The following KDM2A variants were observed in gnomAD, a reference collection of about 807,000 sequenced individuals.
KDM2A encodes lysine demethylase 2A.
Under a neutral mutation model 137.3 loss-of-function variants are expected in KDM2A, and 3 were observed. The observed-to-expected ratio is 0.02, with a 90% CI of 0.01 to 0.06. The LOEUF is 0.06. Ranked by LOEUF, KDM2A falls within the 10% of genes least tolerant of loss-of-function variation. The probability of loss-of-function intolerance (pLI) is 1.00; values close to 1 mark genes in which losing one functional copy is unlikely to be tolerated. For synonymous variants in KDM2A, 512 were observed against 541.5 expected (o/e 0.95, Z 0.76); for missense variants, 738 against 1,510.6 (o/e 0.49, Z 8.48).
At chr11:67,212,136 T>TA (rs1218854850) in intron 6 of KDM2A, among the ~76,000 whole-genome samples, 1 of 152,020 alleles carries the variant, frequency 6.6e-6, no homozygotes, top group Admixed American at 6.6e-5. Context: ...CTTTTAAAAT[T>TA]AAAAAAATTG....
intron 10 of KDM2A, among the ~76,000 whole-genome samples, chr11:67,226,107 A>G (rs971994151): frequency 2.6e-5 from 4 of 151,832 alleles, no homozygotes; most frequent in African/African-American, 4.8e-5. Flanking sequence ...TAAAATAACA[A>G]TTAGCCAGGT....
intron 5 of KDM2A, chr11:67,196,696 G>A (rs1483385354): frequency 9.4e-6 from 3 of 318,124 alleles, no homozygotes; most frequent in Non-Finnish European, 1.2e-5. Flanking sequence ...AGACAAAATA[G>A]AATAGTGGTT....
chr11:67,244,427 T>G (rs1490498519), intron 13 of KDM2A, among the ~76,000 whole-genome samples: 1 of 152,184 alleles, frequency 6.6e-6, no homozygotes, highest in Non-Finnish European at 1.5e-5. Context: ...CTGTCTTCTT[T>G]AGGAGTATAA....
intron 5 of KDM2A, among the ~76,000 whole-genome samples, chr11:67,190,585 C>T (rs1444550877): frequency 2.0e-5 from 3 of 151,786 alleles, no homozygotes; most frequent in Admixed American, 6.6e-5. Context: ...CATGGTGAAA[C>T]CCTGTCTCTA....
chr11:67,126,552 A>G (rs1450190829), intron 2 of KDM2A, among the ~76,000 whole-genome samples: 1 of 151,710 alleles, frequency 6.6e-6, no homozygotes, highest in East Asian at 1.9e-4. Flanking sequence ...TACTAAAAAT[A>G]CAAAAATTAG....
intron 5 of KDM2A, among the ~76,000 whole-genome samples, chr11:67,182,157 A>G (rs1857103942): frequency 6.6e-6 from 1 of 152,052 alleles, no homozygotes; most frequent in Admixed American, 6.6e-5. Context: ...TTCTAGGGCA[A>G]CCTTTCCAAG....
At position 67,255,013 on chromosome 11, in the gene KDM2A, C is replaced by G; in HGVS notation, c.3447C>G (p.Leu1149=). Reference sequence around the variant, plus strand: ...TCTCAGACTTGTCCATCAACAGCCTCTACTGCCTGTCTGACGAGAAGCTGA... The same window carrying G: ...TCTCAGACTTGTCCATCAACAGCCTGTACTGCCTGTCTGACGAGAAGCTGA... ...HFISDLSINS[L]YCLSDEKLIQ... The change falls in exon 21 of 21, where the codon CTC becomes CTG. Residue 1149 remains leucine (L), a synonymous_variant. Transcript: ENST00000529006. 1 of 1,613,322 alleles carries G rather than the reference C, an allele frequency of 6.2e-7. No homozygotes were observed. The highest frequency in any genetic ancestry group is 8.5e-7 in the Non-Finnish European group (1 of 1,179,580).
intron 5 of KDM2A, among the ~76,000 whole-genome samples, chr11:67,195,369 CAAAAAAAA>C (rs34494813): frequency 4.6e-5 from 3 of 65,230 alleles, no homozygotes; most frequent in Non-Finnish European, 7.5e-5. Flanking sequence ...ACTCCGTCTC[CAAAAAAAA>C]AAAAAAAAAA....
At chr11:67,151,432 G>A (rs916756767) in intron 2 of KDM2A, among the ~76,000 whole-genome samples, 1 of 151,946 alleles carries the variant, frequency 6.6e-6, no homozygotes, top group African/African-American at 2.4e-5. Flanking sequence ...CCAGGCTGGA[G>A]TGCAATGGTG....
At chr11:67,198,151 A>G (rs1167802918) in intron 5 of KDM2A, among the ~76,000 whole-genome samples, 1 of 152,156 alleles carries the variant, frequency 6.6e-6, no homozygotes, top group Non-Finnish European at 1.5e-5. Flanking sequence ...AAATTCATGT[A>G]TAAGTGAACC....
At chr11:67,198,759 G>GTTTGT (rs71056183) in intron 5 of KDM2A, among the ~76,000 whole-genome samples, 8,054 of 149,268 alleles carry the variant, frequency 0.054, 252 homozygotes, top group East Asian at 0.11. Flanking sequence ...GTGATCAGTA[G>GTTTGT]TTTGTTTTGT....
At chr11:67,174,466 C>T (rs1856939124) in intron 2 of KDM2A, among the ~76,000 whole-genome samples, 1 of 152,072 alleles carries the variant, frequency 6.6e-6, no homozygotes, top group Non-Finnish European at 1.5e-5. Flanking sequence ...TTTCTGGCAG[C>T]TTTAGAAAAG....
In KDM2A at chr11:67,208,164, T is replaced by C. The variant is rs375052017; in HGVS notation, c.486+476T>C. On this transcript the variant is annotated intron_variant, in intron 6 of 20. Coordinates refer to ENST00000529006, the MANE Select transcript of KDM2A (RefSeq NM_012308.3). ...GTATTTTTATAAAGATATATTGATATTGTATTTTGATAAGAATAACTGCAT... is the reference window on the plus strand; with the variant it reads ...GTATTTTTATAAAGATATATTGATACTGTATTTTGATAAGAATAACTGCAT... Among the ~76,000 whole-genome samples the C allele has an allele frequency of 1.4e-4, 22 of 152,168 alleles. No individual in the cohort carries two copies. In the East Asian group the frequency reaches 4.0e-3, roughly 28 times the overall value.
intron 15 of KDM2A, among the ~76,000 whole-genome samples, chr11:67,247,083 T>TTTTTA (rs1859269279): frequency 1.2e-5 from 1 of 86,734 alleles, no homozygotes; most frequent in African/African-American, 4.9e-5. Flanking sequence ...TTTTTTTTTT[T>TTTTTA]TTTTTTTTTT....
At chr11:67,240,204 C>T (rs746428583) in intron 12 of KDM2A, 31 of 1,534,500 alleles carry the variant, frequency 2.0e-5, no homozygotes, top group Non-Finnish European at 2.6e-5. Context: ...GACTGCCCTG[C>T]CCTATGTGCT....
intron 8 of KDM2A, among the ~76,000 whole-genome samples, chr11:67,217,281 T>C (rs1373863389): frequency 6.7e-6 from 1 of 148,284 alleles, no homozygotes; most frequent in Non-Finnish European, 1.5e-5. Context: ...TCAGAACAAC[T>C]ATGTCTCCAA....
chr11:67,200,833 A>G (rs1332218732), intron 5 of KDM2A, among the ~76,000 whole-genome samples: 1 of 152,120 alleles, frequency 6.6e-6, no homozygotes, highest in African/African-American at 2.4e-5. Context: ...TTCATGCCAG[A>G]TAGCAGTATT....
At chr11:67,188,809 AAT>A (rs1491126238) in intron 5 of KDM2A, among the ~76,000 whole-genome samples, 9 of 151,732 alleles carry the variant, frequency 5.9e-5, no homozygotes, top group Non-Finnish European at 8.8e-5. Flanking sequence ...AAAAAAAAAA[AAT>A]GTTTCAAGAG....
chr11:67,165,828 T>G (rs1318147569), intron 2 of KDM2A, among the ~76,000 whole-genome samples: 1 of 152,128 alleles, frequency 6.6e-6, no homozygotes, highest in Admixed American at 6.6e-5. Flanking sequence ...CTTTCTTGAC[T>G]GGCAAAAAGA....
Sources: allele counts gnomAD v4.1 joint callset (sites outside exome capture counted in the v4.1 genomes callset), GRCh38; gene constraint gnomAD v4.1.1; transcripts MANE v1.5; gene names NCBI Gene and HGNC (gene_info 2026-07-23, HGNC 2026-07-21).